The following THAP7 variants were observed in gnomAD, a reference collection of about 807,000 sequenced individuals.
THAP7 encodes THAP domain containing 7.
Under a neutral mutation model 29.2 loss-of-function variants are expected in THAP7, and 22 were observed. That is an observed-to-expected ratio of 0.75 (90% CI 0.54 to 1.08). THAP7 has a LOEUF of 1.08. Ranked by LOEUF, THAP7 falls within the 50% of genes least tolerant of loss-of-function variation. THAP7 has a pLI of 0.00. For missense variants in THAP7, 448 were observed against 416.2 expected (o/e 1.08, Z -0.66); for synonymous variants, 208 against 173.4 (o/e 1.20, Z -1.57).
rs1447075742 is a variant in THAP7, at chr22:21,002,024, G to A, written c.-113C>T. ...GGCTCTGGCCTGTCGGGTCCCCCCC[G>A]GCCCGTTGTCGCCCCAACCCCGTCC... On this transcript the variant is annotated 5_prime_UTR_variant, in exon 1 of 4. Transcript: ENST00000215742. The A allele has an allele frequency of 1.9e-6, 2 of 1,073,444 alleles. No individual in the cohort carries two copies. The highest frequency in any genetic ancestry group is 3.1e-5 in the Admixed American group (1 of 32,376). The allele number at this position is 1,073,444 out of a possible 1,614,324, so 66.5% of individuals were successfully genotyped here.
In THAP7 at chr22:21,000,085, C is replaced by G; in HGVS notation, c.725G>C (p.Arg242Pro). ...GGCATCAAGGGCTGCCTCGGCTCGC[C>G]GCTTCCAGAGTAAGGCGCTGCCCAC... is the stretch of plus-strand genomic sequence containing the variant. ...YQVGSALLWK[R>P]RAEAALDALD... The change falls in exon 4 of 4, where the codon CGG becomes CCG. Residue 242 changes from arginine (R) to proline (P), a missense_variant. Coordinates refer to ENST00000215742, the MANE Select transcript of THAP7 (RefSeq NM_030573.3). 5.6e-6 allele frequency: 9 copies of G among 1,612,764 alleles called. No homozygotes were observed. The highest frequency in any genetic ancestry group is 7.6e-6 in the Non-Finnish European group (9 of 1,179,912).
chr22:21,001,282 C>T lies in THAP7; in HGVS notation c.210G>A (p.Glu70=), dbSNP rs150041457. The T allele has an allele frequency of 2.6e-5, 42 of 1,614,080 alleles. No homozygotes were observed. Among genetic ancestry groups the T allele is most frequent in the Non-Finnish European group, 3.5e-5 (41 of 1,179,966 alleles). Residue 70 remains glutamate (E), a synonymous_variant, in exon 2 of 4, where the codon GAG becomes GAA. Transcript: ENST00000215742. Reference sequence around the variant, plus strand: ...TGATTCCCACCAGCTCAAAGCAGTCCTCCTCAAAGTGTTTGGAGCAGAAGT... The same window carrying T: ...TGATTCCCACCAGCTCAAAGCAGTCTTCCTCAAAGTGTTTGGAGCAGAAGT... The part of the protein sequence containing the change: ...YIYFCSKHFE[E]DCFELVGISG...
Position 21,000,445 on chromosome 22 carries a change from AAGAG to A in THAP7, c.378-17_378-14del, listed in dbSNP as rs1342083605. ...GCCCTCGGAGCAGCTGGTAAGGGGG[AAGAG>A]AGAGACTGATGGGCTAGGCTGAGGG... On this transcript the variant is annotated splice_polypyrimidine_tract_variant and intron_variant, in intron 3 of 3. Coordinates refer to ENST00000215742, the MANE Select transcript of THAP7 (RefSeq NM_030573.3). 3.9e-6 allele frequency: 6 copies of A among 1,546,126 alleles called. No individual in the cohort carries two copies. The highest frequency in any genetic ancestry group is 5.2e-6 in the Non-Finnish European group (6 of 1,148,090).
rs1321943783 is a variant in THAP7, at chr22:21,000,020, G to A, written c.790C>T (p.Arg264Trp). The A allele has an allele frequency of 6.2e-6, 10 of 1,612,736 alleles. No homozygotes were observed. The highest frequency in any genetic ancestry group is 4.0e-5 in the African/African-American group (3 of 74,932). ...AGTCTCAACCGCAGCCGCTGCTCCC[G>A]CCGCTTGCAGGCCTGCAGCTGGCGC... ...AQRQLQACKR[R>W]EQRLRLRLTK... Residue 264 changes from arginine to tryptophan, a missense_variant, in exon 4 of 4, where the codon CGG (arginine) becomes TGG (tryptophan). By Grantham distance (101) the Arg-to-Trp change is moderately radical. Coordinates refer to ENST00000215742, the MANE Select transcript of THAP7 (RefSeq NM_030573.3).
At position 21,000,411 on chromosome 22, in the gene THAP7, G is replaced by A. The variant is rs1267326507; in HGVS notation, c.399C>T (p.Pro133=). 3.2e-6 allele frequency: 5 copies of A among 1,552,838 alleles called. No homozygotes were observed. Among genetic ancestry groups the A allele is most frequent in the Non-Finnish European group, 4.4e-6 (5 of 1,148,996 alleles). Residue 133 remains proline, a synonymous_variant, in exon 4 of 4, where the codon CCC becomes CCT. Coordinates refer to ENST00000215742, the MANE Select transcript of THAP7 (RefSeq NM_030573.3). The stretch of plus-strand genomic sequence containing the variant: ...GTGGAGGTGGAGAAAATGGAGTTGT[G>A]GGCCCTCGGCCCTCGGAGCAGCTGG... ...CRKRCSEGRG[P]TTPFSPPPPA...
intron 2 of THAP7, 112 bp downstream of exon 2, chr22:21,001,144 G>C: frequency 2.0e-6 from 3 of 1,475,314 alleles, no homozygotes; most frequent in Admixed American, 3.9e-5. Context: ...CTGGGAACAG[G>C]AAACAGCCCC....
rs935637137 is a variant in THAP7 at position 21,002,093 on chromosome 22, C to A, written c.-182G>T. On this transcript the variant is annotated 5_prime_UTR_variant, in exon 1 of 4. Transcript: ENST00000215742. ...TCTGTCAGCGGCACTCACGCTCTGG[C>A]CATTGCTGCGCCGCCGAAGTCTCGC... 2 of 596,298 alleles carry A rather than the reference C, an allele frequency of 3.4e-6. No homozygotes were observed. The highest frequency in any genetic ancestry group is 5.6e-6 in the Non-Finnish European group (2 of 355,006). 36.9% of individuals were successfully genotyped at this position (596,298 alleles called of 1,614,324 possible). A position where few individuals can be genotyped will look rare whatever the true frequency, so the allele number is the denominator to read the frequency against.
chr22:21,000,480 C>T, intron 3 of THAP7, 48 bp from the exon 4 acceptor site: 1 of 1,537,372 alleles, frequency 6.5e-7, no homozygotes, highest in South Asian at 1.2e-5. Context: ...GAGGGCTTGC[C>T]AGACCCCCCT....
In THAP7 at chr22:20,999,161, G is replaced by C. The variant is rs1055794021; in HGVS notation, c.*719C>G. The C allele has an allele frequency of 1.3e-5, 2 of 152,200 alleles. No homozygotes were observed. Among genetic ancestry groups the C allele is most frequent in the East Asian group, 3.8e-4 (2 of 5,196 alleles). 9.4% of individuals were successfully genotyped at this position (152,200 alleles called of 1,614,324 possible). A position where few individuals can be genotyped will look rare whatever the true frequency, so the allele number is the denominator to read the frequency against. ...GTTTGAGAACTGCAGCTGCAGCAAG[G>C]CCTTCCAGGTTCCTGGGAGTTGAAG... On this transcript the variant is annotated 3_prime_UTR_variant, in exon 4 of 4. Transcript: ENST00000215742.
chr22:21,001,105 A>T, intron 2 of THAP7, 151 bp downstream of exon 2: 1 of 1,178,700 alleles, frequency 8.5e-7, no homozygotes, highest in South Asian at 1.5e-5. Flanking sequence ...AGGCACAGTG[A>T]TCCTGGGGGT....
rs1242711784 is a variant in THAP7, at chr22:20,999,789, T to C, written c.*91A>G. 4 of 1,457,820 alleles carry C rather than the reference T, an allele frequency of 2.7e-6. No homozygotes were observed. The East Asian group carries it at 9.3e-5, about 34-fold the overall frequency. The allele number at this position is 1,457,820 out of a possible 1,614,324, so 90.3% of individuals were successfully genotyped here. ...AGCAGGCCCTCCGTCTAGAATCCGC[T>C]TTATTATGGCACCTGGTGGGTCTGG... On this transcript the variant is annotated 3_prime_UTR_variant, in exon 4 of 4. Coordinates refer to ENST00000215742, the MANE Select transcript of THAP7 (RefSeq NM_030573.3).
rs760363033 is a variant in THAP7 at position 21,000,723 on chromosome 22, G to A, written c.301C>T (p.Arg101Trp). The change falls in exon 3 of 4, where the codon CGG (arginine) becomes TGG (tryptophan). Residue 101 changes from arginine (R) to tryptophan (W), a missense_variant. By Grantham distance (101) the Arg-to-Trp change is moderately radical. Coordinates refer to ENST00000215742, the MANE Select transcript of THAP7 (RefSeq NM_030573.3). The stretch of plus-strand genomic sequence containing the variant: ...CTGTGTCCTTTGGTCTTGGTTGTCC[G>A]GCGCAACTTGGAGAAAGACTCAAAT... ...TIFESFSKLRRTTKTKGHSYP... is the reference protein window; with the variant it reads ...TIFESFSKLRWTTKTKGHSYP... 2.7e-5 allele frequency: 44 copies of A among 1,614,020 alleles called. No homozygotes were observed. The highest frequency in any genetic ancestry group is 3.4e-5 in the Non-Finnish European group (40 of 1,180,032).
At chr22:21,000,865 CGTGGGATGCTGGAAGGCATCG>C in intron 2 of THAP7, 78 bp from the exon 3 acceptor site, 1 of 1,590,908 alleles carries the variant, frequency 6.3e-7, no homozygotes, top group Non-Finnish European at 8.6e-7. Context: ...GCAGCAGCGC[CGTGGGATGCTGGAAGGCATCG>C]TGCAAACAAT....
At position 21,000,208 on chromosome 22, in the gene THAP7, GGCTGCCGCTCTGGTGAAGGCTGGGC is replaced by G; in HGVS notation, c.577_601del (p.Ala193ProfsTer70). 1 of 1,558,768 alleles carries G rather than the reference GGCTGCCGCTCTGGTGAAGGCTGGGC, an allele frequency of 6.4e-7. No homozygotes were observed. The highest frequency in any genetic ancestry group is 8.7e-7 in the Non-Finnish European group (1 of 1,151,524). ...GACTGGCCGTGGTTCGAGAGGGGAG[GGCTGCCGCTCTGGTGAAGGCTGGGC>G]GCTGCAGCCTGCTTCATCTGCCTGG... is the stretch of plus-strand genomic sequence containing the variant. On this transcript the variant is annotated frameshift_variant, in exon 4 of 4. Coordinates refer to ENST00000215742, the MANE Select transcript of THAP7 (RefSeq NM_030573.3). LOFTEE classifies it high-confidence loss of function.
chr22:21,000,448 A>G lies in THAP7; in HGVS notation c.378-16T>C, dbSNP rs1010659821. On this transcript the variant is annotated splice_polypyrimidine_tract_variant and intron_variant, in intron 3 of 3. Transcript: ENST00000215742. ...CTCGGAGCAGCTGGTAAGGGGGAAG[A>G]GAGAGACTGATGGGCTAGGCTGAGG... 2 of 1,545,744 alleles carry G rather than the reference A, an allele frequency of 1.3e-6. No individual in the cohort carries two copies. Among genetic ancestry groups the G allele is most frequent in the African/African-American group, 1.4e-5 (1 of 73,212 alleles).
At position 21,000,680 on chromosome 22, in the gene THAP7, G is replaced by C. The variant is rs753446832; in HGVS notation, c.344C>G (p.Ala115Gly). 1.2e-6 allele frequency: 2 copies of C among 1,614,172 alleles called. No homozygotes were observed. The highest frequency in any genetic ancestry group is 1.7e-5 in the Admixed American group (1 of 60,024). ...TKGHSYPPGP[A>G]EVSRLRRCRK... ...GCATCGTCTGAGCCGGCTGACTTCAGCGGGGCCAGGTGGGTAACTGTGTCC... is the reference window on the plus strand; with the variant it reads ...GCATCGTCTGAGCCGGCTGACTTCACCGGGGCCAGGTGGGTAACTGTGTCC... Residue 115 changes from alanine to glycine, a missense_variant, in exon 3 of 4, where the codon GCT becomes GGT. Ala to Gly is a moderately conservative substitution (Grantham distance 60). Coordinates refer to ENST00000215742, the MANE Select transcript of THAP7 (RefSeq NM_030573.3).
chr22:21,001,455 T>G, intron 1 of THAP7, 44 bp from the exon 2 acceptor site: 1 of 1,597,750 alleles, frequency 6.3e-7, no homozygotes, highest in Non-Finnish European at 8.5e-7. Context: ...TCCACAGCCC[T>G]GGGCTCATGC....
rs1052577102 is a variant in THAP7 at position 20,999,667 on chromosome 22, G to T, written c.*213C>A. 1.2e-5 allele frequency: 7 copies of T among 604,014 alleles called. No homozygotes were observed. Among genetic ancestry groups the T allele is most frequent in the Non-Finnish European group, 2.0e-5 (7 of 348,590 alleles). 37.4% of individuals were successfully genotyped at this position (604,014 alleles called of 1,614,324 possible). On this transcript the variant is annotated 3_prime_UTR_variant, in exon 4 of 4. Transcript: ENST00000215742. ...AGAGCCAGGCTCCCTGTTCTCCTTG[G>T]CAAAGAGCTTGGACTGAGCCCTCTA... is the stretch of plus-strand genomic sequence containing the variant.
chr22:20,999,987 G>C lies in THAP7; in HGVS notation c.823C>G (p.Leu275Val), dbSNP rs1456979399. The change falls in exon 4 of 4, where the codon CTG (leucine) becomes GTG (valine). Residue 275 changes from leucine (L) to valine (V), a missense_variant. Transcript: ENST00000215742. ...TTCTCCCGTGCCCGCTCCTGCTGCA[G>C]CTTGGTCAGTCTCAACCGCAGCCGC... ...EQRLRLRLTK[L>V]QQERAREKRA... 1.9e-6 allele frequency: 3 copies of C among 1,612,820 alleles called. No homozygotes were observed. The highest frequency in any genetic ancestry group is 2.5e-6 in the Non-Finnish European group (3 of 1,179,974).
Sources: allele counts gnomAD v4.1 joint callset, GRCh38; gene constraint gnomAD v4.1.1; transcripts MANE v1.5; gene names NCBI Gene and HGNC (gene_info 2026-07-23, HGNC 2026-07-21).